DGKB: variants seen among roughly 807,000 people sequenced by gnomAD.
DGKB encodes diacylglycerol kinase beta.
A neutral mutation model predicts 114.3 loss-of-function variants in DGKB; 67 were observed. The observed-to-expected ratio is 0.59, with a 90% CI of 0.48 to 0.72. The LOEUF is 0.72. Among genes scored for constraint, DGKB ranks in the 30% least tolerant of loss-of-function variants. The pLI is 0.00. For missense variants in DGKB, 907 were observed against 975.2 expected, an observed-to-expected ratio of 0.93 and a Z score of 0.93; for synonymous variants, 398 against 323.1, an observed-to-expected ratio of 1.23 and a Z score of -2.49.
chr7:14,704,554 G>A (rs768423357), intron 6 of DGKB, among the ~76,000 whole-genome samples: 1 of 152,024 alleles, frequency 6.6e-6, no homozygotes, highest in East Asian at 1.9e-4. Flanking sequence ...CAGAAGACGG[G>A]TGATTTCTGC....
chr7:14,237,424 C>T (rs993165730), intron 23 of DGKB, among the ~76,000 whole-genome samples: 2 of 151,806 alleles, frequency 1.3e-5, no homozygotes, highest in African/African-American at 4.8e-5. Context: ...GCTGTGAAAG[C>T]GCTAATATAT....
intron 21 of DGKB, among the ~76,000 whole-genome samples, chr7:14,434,296 A>G (rs188194959): frequency 6.6e-6 from 1 of 152,218 alleles, no homozygotes; most frequent in Admixed American, 6.6e-5. Flanking sequence ...CAACCTATAA[A>G]TATGTTTCCC....
Position 14,757,680 on chromosome 7 carries a change from A to C in DGKB, c.122T>G (p.Val41Gly), listed in dbSNP as rs1835086785. The C allele has an allele frequency of 6.2e-7, 1 of 1,604,774 alleles. No homozygotes were observed. Among genetic ancestry groups the C allele is most frequent in the South Asian group, 1.1e-5 (1 of 90,274 alleles). ...CCCTTCAGGATTATACTTTGCAAGC[A>C]CACCATTACCATGGAATTCTTCAAG... is the stretch of plus-strand genomic sequence containing the variant. ...DVLEEFHGNG[V>G]LAKYNPEGKQ... The change falls in exon 3 of 26, where the codon GTG becomes GGG. Residue 41 changes from valine to glycine, a missense_variant. Val to Gly is a moderately radical substitution (Grantham distance 109). Around this residue, in one of 3 missense-constraint regions of DGKB, gnomAD observed 814 missense variants for 856.6 expected, o/e 0.95. Transcript: ENST00000402815.
chr7:14,552,148 C>G (rs1795192853), intron 20 of DGKB, among the ~76,000 whole-genome samples: 1 of 151,984 alleles, frequency 6.6e-6, no homozygotes, highest in South Asian at 2.1e-4. Context: ...TTTGTATCAC[C>G]TCTAGCCACA....
At chr7:14,365,297 A>G (rs895838013) in intron 21 of DGKB, among the ~76,000 whole-genome samples, 2 of 152,030 alleles carry the variant, frequency 1.3e-5, no homozygotes, top group Non-Finnish European at 2.9e-5. Flanking sequence ...TTGTACCAGA[A>G]TTTGTCTTCT....
intron 1 of DGKB, among the ~76,000 whole-genome samples, chr7:14,923,832 TAA>T (rs1423425566): frequency 6.6e-6 from 1 of 151,822 alleles, no homozygotes. Context: ...CTGTTTCTAC[TAA>T]AAATACAAAA....
chr7:14,485,096 CCACACACACA>C lies in DGKB; in HGVS notation c.1771-6881_1771-6872del, dbSNP rs10563734. ...ATAATTACTGAAAGACACACACACA[CCACACACACA>C]CACACACACACACACACACACACAC... On this transcript the variant is annotated intron_variant, in intron 20 of 25. Coordinates refer to ENST00000402815, the MANE Select transcript of DGKB (RefSeq NM_001350709.2). Among the ~76,000 whole-genome samples, 1,254 of 141,506 alleles carry C rather than the reference CCACACACACA, an allele frequency of 8.9e-3. 6 individuals carry two copies. Among genetic ancestry groups the C allele is most frequent in the South Asian group, 0.018 (73 of 4,154 alleles). 92.8% of individuals were successfully genotyped at this position (141,506 alleles called of 152,430 possible). A position where few individuals can be genotyped will look rare whatever the true frequency, so the allele number is the denominator to read the frequency against.
chr7:14,619,482 T>C (rs752001485), intron 15 of DGKB, among the ~76,000 whole-genome samples: 2 of 151,596 alleles, frequency 1.3e-5, no homozygotes, highest in African/African-American at 4.8e-5. Context: ...TCCGGGCAAA[T>C]TGAGGTATGA....
At chr7:14,844,862 T>C (rs1186068425) in intron 1 of DGKB, among the ~76,000 whole-genome samples, 1 of 152,100 alleles carries the variant, frequency 6.6e-6, no homozygotes, top group Non-Finnish European at 1.5e-5. Flanking sequence ...ATCCCAGCAC[T>C]TTGGGAGGCC....
At chr7:14,414,075 AAAG>A (rs748148149) in intron 21 of DGKB, among the ~76,000 whole-genome samples, 5 of 152,194 alleles carry the variant, frequency 3.3e-5, no homozygotes, top group Non-Finnish European at 5.9e-5. Flanking sequence ...TAATTCAAGA[AAAG>A]AAATATTAAA....
chr7:14,651,052 G>A (rs1258683151), intron 13 of DGKB, among the ~76,000 whole-genome samples: 8 of 152,114 alleles, frequency 5.3e-5, no homozygotes, highest in East Asian at 1.9e-4. Flanking sequence ...ATTCACAGCC[G>A]AATTCTACCA....
chr7:14,482,861 T>C (rs1783187917), intron 20 of DGKB, among the ~76,000 whole-genome samples: 1 of 152,146 alleles, frequency 6.6e-6, no homozygotes, highest in Non-Finnish European at 1.5e-5. Context: ...AGTGGGATTA[T>C]TTCCCAGGCA....
chr7:14,529,945 T>C (rs1463889249), intron 20 of DGKB, among the ~76,000 whole-genome samples: 1 of 151,780 alleles, frequency 6.6e-6, no homozygotes, highest in Non-Finnish European at 1.5e-5. Context: ...CTATAAGTAG[T>C]AACTTATAAA....
chr7:14,345,680 A>G (rs1812363157), intron 21 of DGKB, among the ~76,000 whole-genome samples: 1 of 151,688 alleles, frequency 6.6e-6, no homozygotes, highest in Non-Finnish European at 1.5e-5. Flanking sequence ...CATGATTCTT[A>G]GCTTGTTCTT....
chr7:14,254,193 G>T (rs931619186), intron 23 of DGKB, among the ~76,000 whole-genome samples: 1 of 152,162 alleles, frequency 6.6e-6, no homozygotes, highest in African/African-American at 2.4e-5. Context: ...CAAGATTTGA[G>T]TTGAAAGCAT....
intron 16 of DGKB, among the ~76,000 whole-genome samples, chr7:14,609,418 A>G (rs1805115306): frequency 6.6e-6 from 1 of 152,124 alleles, no homozygotes; most frequent in Admixed American, 6.6e-5. Flanking sequence ...TTTAAATGTA[A>G]GATCCCAAGC....
In DGKB at chr7:14,923,983, C is replaced by CAAAA. The variant is rs56032330; in HGVS notation, c.-188+50709_-188+50712dup. ...TGGGCAACACAGTGAAGCTCCATCT[C>CAAAA]AAAAAAAAAAAAAAAAAAAAAGCTT... On this transcript the variant is annotated intron_variant, in intron 1 of 4. Coordinates refer to the DGKB transcript ENST00000437998. Among the ~76,000 whole-genome samples the CAAAA allele has an allele frequency of 9.7e-4, 74 of 76,150 alleles. 3 individuals carry two copies. The highest frequency in any genetic ancestry group is 4.9e-3 in the African/African-American group (67 of 13,698). 50.0% of individuals were successfully genotyped at this position (76,150 alleles called of 152,430 possible). A position where few individuals can be genotyped will look rare whatever the true frequency, so the allele number is the denominator to read the frequency against.
intron 12 of DGKB, among the ~76,000 whole-genome samples, chr7:14,678,285 A>C (rs887282887): frequency 3.3e-5 from 5 of 152,186 alleles, no homozygotes; most frequent in African/African-American, 1.2e-4. Flanking sequence ...ATGGTGTGAA[A>C]CCAATGGAGA....
intron 21 of DGKB, among the ~76,000 whole-genome samples, chr7:14,384,196 G>A (rs535450625): frequency 2.6e-5 from 4 of 152,056 alleles, no homozygotes; most frequent in Non-Finnish European, 4.4e-5. Context: ...AAATCAGTTT[G>A]GTTTAATGAT....
Sources: allele counts gnomAD v4.1 joint callset (sites outside exome capture counted in the v4.1 genomes callset), GRCh38; gene constraint gnomAD v4.1.1; regional missense constraint gnomAD v4.1.1; transcripts MANE v1.5; gene names NCBI Gene and HGNC (gene_info 2026-07-23, HGNC 2026-07-21).